ME3: variants seen among roughly 807,000 people sequenced by gnomAD.
ME3 encodes the protein malic enzyme 3.
A neutral mutation model predicts 68.9 loss-of-function variants in ME3; 48 were observed. That is an observed-to-expected ratio of 0.70 (90% CI 0.55 to 0.89). ME3 has a LOEUF of 0.89. ME3 is among the 40% of genes least tolerant of loss of function. The pLI is 0.00. For missense variants in ME3, 675 were observed against 797.4 expected (o/e 0.85, Z 1.85); for synonymous variants, 320 against 318.8 (o/e 1.00, Z -0.04).
chr11:86,480,171 T>A (rs1457255273), intron 7 of ME3, among the ~76,000 whole-genome samples: 1 of 152,190 alleles, frequency 6.6e-6, no homozygotes, highest in Non-Finnish European at 1.5e-5. Flanking sequence ...TAGTAGAATG[T>A]TGGATATGTA....
intron 2 of ME3, among the ~76,000 whole-genome samples, chr11:86,651,162 C>T (rs1360523071): frequency 1.3e-5 from 2 of 152,232 alleles, no homozygotes; most frequent in African/African-American, 4.8e-5. Flanking sequence ...GACTCCACTT[C>T]TGGGGGCAGG....
At chr11:86,655,124 T>C (rs1215778358) in intron 2 of ME3, among the ~76,000 whole-genome samples, 3 of 152,148 alleles carry the variant, frequency 2.0e-5, no homozygotes, top group African/African-American at 7.2e-5. Flanking sequence ...AAGAAGATTC[T>C]ATGCTCATGG....
intron 2 of ME3, among the ~76,000 whole-genome samples, chr11:86,570,501 AG>A (rs1206291006): frequency 6.6e-6 from 1 of 152,134 alleles, no homozygotes; most frequent in East Asian, 1.9e-4. Flanking sequence ...AGAGCCCCTG[AG>A]CACACTCCTG....
At chr11:86,447,624 G>A (rs1483023380) in intron 11 of ME3, among the ~76,000 whole-genome samples, 1 of 152,026 alleles carries the variant, frequency 6.6e-6, no homozygotes, top group Non-Finnish European at 1.5e-5. Context: ...GGGGCAGTGG[G>A]GTGGGTACAG....
chr11:86,482,477 C>G (rs1003892656), intron 7 of ME3, among the ~76,000 whole-genome samples: 4 of 151,728 alleles, frequency 2.6e-5, no homozygotes, highest in African/African-American at 9.7e-5. Flanking sequence ...TGCCCCATTC[C>G]TCATCCTACC....
intron 4 of ME3, among the ~76,000 whole-genome samples, chr11:86,534,195 G>A (rs1400673368): frequency 6.6e-6 from 1 of 150,636 alleles, no homozygotes; most frequent in Admixed American, 6.6e-5. Flanking sequence ...AGTGAGAGAT[G>A]AGTGAATGTG....
At chr11:86,508,020 T>C (rs1419416484) in intron 5 of ME3, among the ~76,000 whole-genome samples, 1 of 151,798 alleles carries the variant, frequency 6.6e-6, no homozygotes, top group Non-Finnish European at 1.5e-5. Context: ...CTATAACGTA[T>C]ATTGTTTGGT....
At chr11:86,504,883 G>T (rs1952966746) in intron 5 of ME3, among the ~76,000 whole-genome samples, 1 of 151,580 alleles carries the variant, frequency 6.6e-6, no homozygotes, top group African/African-American at 2.4e-5. Context: ...TAGAGATGAG[G>T]TTTCACCATG....
intron 7 of ME3, among the ~76,000 whole-genome samples, chr11:86,486,530 A>G (rs1434656065): frequency 1.3e-5 from 2 of 152,182 alleles, no homozygotes; most frequent in Non-Finnish European, 2.9e-5. Flanking sequence ...GAGCTTGGAC[A>G]AGGGAGCACT....
rs900095375 is a variant in ME3 at position 86,483,974 on chromosome 11, G to A, written c.809+3363C>T. Reference sequence around the variant, plus strand: ...ATCCACTGCATGACAGGGAAAGAGCGGGAAGAGTGGGGCAATCAGTCCTTG... The same window carrying A: ...ATCCACTGCATGACAGGGAAAGAGCAGGAAGAGTGGGGCAATCAGTCCTTG... On this transcript the variant is annotated intron_variant, in intron 7 of 14. Transcript: ENST00000543262. Among the ~76,000 whole-genome samples the A allele has an allele frequency of 1.1e-4, 16 of 152,298 alleles. 1 individual carries two copies. Among genetic ancestry groups the A allele is most frequent in the South Asian group, 6.2e-4 (3 of 4,824 alleles).
intron 4 of ME3, among the ~76,000 whole-genome samples, chr11:86,534,490 C>T (rs900458407): frequency 6.6e-6 from 1 of 151,974 alleles, no homozygotes; most frequent in African/African-American, 2.4e-5. Flanking sequence ...GCCTGGCCAA[C>T]GTGGCAAAAC....
At position 86,613,716 on chromosome 11, in the gene ME3, C is replaced by T. The variant is rs116745338; in HGVS notation, c.184-53893G>A. On this transcript the variant is annotated intron_variant, in intron 2 of 14. Transcript: ENST00000543262. ...CAAATCATGAATGAACTCCCAGTCA[C>T]CATTGCTACAAAGAGAATAAAATAC... Among the ~76,000 whole-genome samples the T allele has an allele frequency of 8.9e-3, 1,353 of 152,192 alleles. 21 individuals carry two copies. The highest frequency in any genetic ancestry group is 0.031 in the African/African-American group (1,275 of 41,516).
the ME3 span, chr11:86,435,790 G>A: frequency 1.3e-5 from 2 of 152,248 alleles, no homozygotes; most frequent in African/African-American, 2.4e-5. Context: ...GTCTCATAGG[G>A]AGCTCTGAGG....
At chr11:86,513,196 CTTAAAATGAACATTT>C (rs1446814519) in intron 4 of ME3, among the ~76,000 whole-genome samples, 3 of 152,304 alleles carry the variant, frequency 2.0e-5, no homozygotes, top group African/African-American at 7.2e-5. Context: ...AGGAGGGACA[CTTAAAATGAACATTT>C]TTACATTTAA....
At chr11:86,605,285 A>G (rs1339797553) in intron 2 of ME3, among the ~76,000 whole-genome samples, 1 of 152,216 alleles carries the variant, frequency 6.6e-6, no homozygotes, top group Non-Finnish European at 1.5e-5. Flanking sequence ...CTGTGCCAAT[A>G]TGATTTCCAA....
intron 7 of ME3, among the ~76,000 whole-genome samples, chr11:86,486,305 C>T (rs1467573195): frequency 6.6e-6 from 1 of 152,184 alleles, no homozygotes; most frequent in Non-Finnish European, 1.5e-5. Context: ...TTATTTTGCT[C>T]TCATCTTAAA....
chr11:86,630,357 T>C (rs1230613702), intron 2 of ME3, among the ~76,000 whole-genome samples: 1 of 152,118 alleles, frequency 6.6e-6, no homozygotes, highest in East Asian at 1.9e-4. Flanking sequence ...CAGTGACATA[T>C]CTGGGGGCCT....
intron 2 of ME3, among the ~76,000 whole-genome samples, chr11:86,587,931 G>A (rs1230193650): frequency 6.6e-6 from 1 of 152,176 alleles, no homozygotes; most frequent in Non-Finnish European, 1.5e-5. Flanking sequence ...TACTGTCTCA[G>A]TTAATGTCTG....
rs1948974180 is a variant in ME3 at position 86,441,174 on chromosome 11, A to AAAAAACACAT, written c.*104_*105insATGTGTTTTT. 3 of 1,199,996 alleles carry AAAAAACACAT rather than the reference A, an allele frequency of 2.5e-6. No homozygotes were observed. In the East Asian group the frequency reaches 8.0e-5, roughly 32 times the overall value. 74.3% of individuals were successfully genotyped at this position (1,199,996 alleles called of 1,614,324 possible). A position where few individuals can be genotyped will look rare whatever the true frequency, so the allele number is the denominator to read the frequency against. On this transcript the variant is annotated 3_prime_UTR_variant, in exon 15 of 15. Transcript: ENST00000543262. Reference sequence around the variant, plus strand: ...CCTCTCACACCAGAAAGTTTAAAAGAAAAAACACAGCGACAAGGATTCACT... The same window carrying AAAAAACACAT: ...CCTCTCACACCAGAAAGTTTAAAAGAAAAAACACATAAAAACACAGCGACAAGGATTCACT...
Sources: gnomAD v4.1 joint callset for allele counts (sites outside exome capture counted in the v4.1 genomes callset) on GRCh38, gnomAD v4.1.1 for gene constraint, MANE v1.5 for transcripts, NCBI Gene and HGNC (gene_info 2026-07-23, HGNC 2026-07-21) for gene names.